RGS17: variants seen among roughly 807,000 people sequenced by gnomAD.
RGS17 encodes regulator of G protein signaling 17.
A neutral mutation model predicts 25.5 loss-of-function variants in RGS17; 12 were observed. The observed-to-expected ratio is 0.47, with a 90% CI of 0.30 to 0.76. The LOEUF (loss-of-function observed/expected upper bound fraction) is 0.76. Among genes scored for constraint, RGS17 ranks in the 30% least tolerant of loss-of-function variants. The pLI is 0.07. For missense variants in RGS17, 196 were observed against 242.2 expected (o/e 0.81, Z 1.27); for synonymous variants, 71 against 76.9 (o/e 0.92, Z 0.40).
chr6:153,018,732 C>T (rs943670525), intron 4 of RGS17, among the ~76,000 whole-genome samples: 3 of 152,178 alleles, frequency 2.0e-5, no homozygotes, highest in African/African-American at 4.8e-5. Flanking sequence ...ATTAAGGGAT[C>T]GGCCAGTGTC....
intron 2 of RGS17, among the ~76,000 whole-genome samples, chr6:153,039,729 C>G (rs1776299231): frequency 3.3e-5 from 5 of 152,182 alleles, no homozygotes; most frequent in Admixed American, 3.3e-4. Flanking sequence ...ACTTTGAAAG[C>G]TCTGCCTTTC....
intron 1 of RGS17, among the ~76,000 whole-genome samples, chr6:153,097,132 T>C (rs1777225028): frequency 6.6e-6 from 1 of 152,118 alleles, no homozygotes; most frequent in African/African-American, 2.4e-5. Context: ...ATGTTTGTAA[T>C]TGCATGAAAC....
chr6:153,107,061 GGT>G (rs1777395251), intron 1 of RGS17, among the ~76,000 whole-genome samples: 1 of 152,004 alleles, frequency 6.6e-6, no homozygotes, highest in South Asian at 2.1e-4. Context: ...AGCCGGGCAT[GGT>G]GGCTCACGCC....
intron 1 of RGS17, among the ~76,000 whole-genome samples, chr6:153,091,770 C>T (rs1441746521): frequency 1.3e-5 from 2 of 152,056 alleles, no homozygotes; most frequent in Non-Finnish European, 2.9e-5. Flanking sequence ...GCCTTGGCCT[C>T]CCAAAGTGCT....
chr6:153,023,815 G>A (rs1203706552), intron 4 of RGS17, among the ~76,000 whole-genome samples: 2 of 152,108 alleles, frequency 1.3e-5, no homozygotes, highest in African/African-American at 4.8e-5. Flanking sequence ...TGTTAAAAGT[G>A]CAGATTTCTG....
chr6:153,032,288 T>C (rs1485199943), intron 2 of RGS17, among the ~76,000 whole-genome samples: 1 of 152,132 alleles, frequency 6.6e-6, no homozygotes, highest in Non-Finnish European at 1.5e-5. Flanking sequence ...GGAACAGTGG[T>C]TAGAAATTTG....
intron 1 of RGS17, among the ~76,000 whole-genome samples, chr6:153,062,599 G>C (rs191434007): frequency 6.6e-6 from 1 of 152,194 alleles, no homozygotes. Flanking sequence ...GTGCTGAATT[G>C]GGTGCAGAGA....
At chr6:153,069,352 G>A (rs1434028616) in intron 1 of RGS17, among the ~76,000 whole-genome samples, 2 of 152,138 alleles carry the variant, frequency 1.3e-5, no homozygotes, top group African/African-American at 4.8e-5. Flanking sequence ...GCCAGGTACA[G>A]AAAGAAAAAC....
chr6:153,048,473 C>T (rs1776413928), intron 1 of RGS17, among the ~76,000 whole-genome samples: 1 of 152,228 alleles, frequency 6.6e-6, no homozygotes. Context: ...ATAATTTCAG[C>T]AAAGACTCTT....
At chr6:153,026,005 C>T (rs1779298215) in intron 3 of RGS17, among the ~76,000 whole-genome samples, 2 of 152,060 alleles carry the variant, frequency 1.3e-5, no homozygotes, top group South Asian at 2.1e-4. Flanking sequence ...AGGTACCTCT[C>T]GTTTGGGAGG....
intron 1 of RGS17, among the ~76,000 whole-genome samples, chr6:153,091,234 T>A (rs1312616172): frequency 6.6e-6 from 1 of 152,168 alleles, no homozygotes; most frequent in Non-Finnish European, 1.5e-5. Context: ...TGTTGCTGCC[T>A]AGGAAAACAA....
intron 1 of RGS17, among the ~76,000 whole-genome samples, chr6:153,102,297 T>C (rs940255643): frequency 6.6e-6 from 1 of 152,176 alleles, no homozygotes; most frequent in Non-Finnish European, 1.5e-5. Flanking sequence ...ACCTGTCAAG[T>C]AAAATTACAA....
chr6:153,129,975 T>C (rs921519115), intron 1 of RGS17, among the ~76,000 whole-genome samples: 2 of 151,900 alleles, frequency 1.3e-5, no homozygotes, highest in Admixed American at 1.3e-4. Flanking sequence ...GGCATCTTTG[T>C]GGCCAGGCGA....
intron 1 of RGS17, among the ~76,000 whole-genome samples, chr6:153,118,029 A>G (rs1446541097): frequency 6.6e-6 from 1 of 152,218 alleles, no homozygotes; most frequent in African/African-American, 2.4e-5. Flanking sequence ...TGACATTTGA[A>G]TGGAAACTTG....
chr6:153,128,586 A>T (rs986472168), intron 1 of RGS17, among the ~76,000 whole-genome samples: 2 of 152,242 alleles, frequency 1.3e-5, no homozygotes, highest in African/African-American at 4.8e-5. Context: ...ATCAATTCAG[A>T]TTTAAAATTT....
Position 153,024,258 on chromosome 6 carries a change from T to C in RGS17, c.444+4A>G. 1 of 1,593,848 alleles carries C rather than the reference T, an allele frequency of 6.3e-7. No individual in the cohort carries two copies. ...GCCCACCTCAATGTTTTCCAGATTT[T>C]TACCTCTTTTGGTGATAGTATAGAA... is the stretch of plus-strand genomic sequence containing the variant. On this transcript the variant is annotated splice_donor_region_variant and intron_variant, in intron 4 of 4. Coordinates refer to ENST00000206262, the MANE Select transcript of RGS17 (RefSeq NM_012419.5).
intron 1 of RGS17, among the ~76,000 whole-genome samples, chr6:153,089,009 T>C (rs1272466068): frequency 1.3e-5 from 2 of 152,150 alleles, no homozygotes; most frequent in Admixed American, 6.5e-5. Context: ...ACTTTGTGTA[T>C]TTTGTGACTA....
In RGS17 at chr6:153,130,483, TAC is replaced by T. The variant is rs58779961; in HGVS notation, c.-26+639_-26+640del. 0.43 allele frequency among the ~76,000 whole-genome samples: 62,433 copies of T among 145,638 alleles called. 13,537 individuals carry two copies. The highest frequency in any genetic ancestry group is 0.56 in the African/African-American group (22,251 of 39,760). On this transcript the variant is annotated intron_variant, in intron 1 of 4. Coordinates refer to ENST00000206262, the MANE Select transcript of RGS17 (RefSeq NM_012419.5). The surrounding 1 kb of genome is among the most constrained non-coding windows in gnomAD (Gnocchi z 6.4). ...CCCACCCCCTATACATACATACACA[TAC>T]ACACACACACACACACACACACACC...
rs752134122 is a variant in RGS17, at chr6:153,091,080, T to C, written c.-26+40044A>G. Among the ~76,000 whole-genome samples the C allele has an allele frequency of 2.0e-5, 3 of 152,208 alleles. No homozygotes were observed. In the East Asian group the frequency reaches 5.8e-4, roughly 29 times the overall value. On this transcript the variant is annotated intron_variant, in intron 1 of 4. Transcript: ENST00000206262. ...ACCAAGTAATGTAAACATTTATATA[T>C]ATTTTAAAGAAAATTTTGGAATTTG...
Sources: allele counts gnomAD v4.1 joint callset (sites outside exome capture counted in the v4.1 genomes callset), GRCh38; gene constraint gnomAD v4.1.1; non-coding constraint Gnocchi (gnomAD v3.1); transcripts MANE v1.5; gene names NCBI Gene and HGNC (gene_info 2026-07-23, HGNC 2026-07-21).